The following SCN2A variants were observed in gnomAD, a reference collection of about 807,000 sequenced individuals.
SCN2A encodes sodium voltage-gated channel alpha subunit 2.
Under a neutral mutation model 188.7 loss-of-function variants are expected in SCN2A, and 20 were observed. The ratio of observed to expected loss-of-function variants is 0.11; its 90% CI spans 0.07 to 0.15. The LOEUF is 0.15. Ranked by LOEUF, SCN2A falls within the 10% of genes least tolerant of loss-of-function variation. SCN2A has a pLI of 1.00. For synonymous variants in SCN2A, 804 were observed against 833.1 expected (o/e 0.97, Z 0.60); for missense variants, 1,278 against 2,445.0 (o/e 0.52, Z 10.07).
chr2:165,373,422 A>C, intron 21 of SCN2A, 75 bp downstream of exon 21: 34 of 1,520,262 alleles, frequency 2.2e-5, no homozygotes, highest in Non-Finnish European at 3.0e-5. Context: ...TGGAAATGTC[A>C]AATTTATGGA....
chr2:165,321,144 A>G (rs1310681287), intron 11 of SCN2A, among the ~76,000 whole-genome samples: 2 of 152,212 alleles, frequency 1.3e-5, no homozygotes, highest in South Asian at 2.1e-4. Flanking sequence ...AAGTTCCACA[A>G]ATCTCTAGGA....
chr2:165,290,121 G>A (rs967617118), intron 1 of SCN2A, among the ~76,000 whole-genome samples: 8 of 151,900 alleles, frequency 5.3e-5, no homozygotes, highest in African/African-American at 1.9e-4. Flanking sequence ...ATATTCATGG[G>A]GTACATAGTG....
intron 12 of SCN2A, among the ~76,000 whole-genome samples, chr2:165,325,790 C>A (rs902818700): frequency 1.3e-5 from 2 of 151,948 alleles, no homozygotes; most frequent in African/African-American, 4.8e-5. Flanking sequence ...TTAGAATGAC[C>A]TATATGAATA....
chr2:165,279,094 C>A (rs1695474147), intron 1 of SCN2A, among the ~76,000 whole-genome samples: 1 of 152,176 alleles, frequency 6.6e-6, no homozygotes, highest in Non-Finnish European at 1.5e-5. Flanking sequence ...GTTTGAGCCT[C>A]ACTCAAGGTC....
intron 1 of SCN2A, among the ~76,000 whole-genome samples, chr2:165,282,101 C>T (rs1695608312): frequency 6.6e-6 from 1 of 152,148 alleles, no homozygotes; most frequent in South Asian, 2.1e-4. Context: ...GCCCTTAAGC[C>T]TGTCGGGGAT....
chr2:165,318,578 T>A (rs930692516), intron 11 of SCN2A, among the ~76,000 whole-genome samples: 2 of 152,228 alleles, frequency 1.3e-5, no homozygotes, highest in Non-Finnish European at 2.9e-5. Flanking sequence ...ATTTCTCATA[T>A]AGCTGTCACA....
At chr2:165,342,496 ATG>A (rs775551334) in intron 15 of SCN2A, 27 bp downstream of exon 15, 3 of 1,611,206 alleles carry the variant, frequency 1.9e-6, no homozygotes, top group Admixed American at 3.3e-5. Flanking sequence ...TGTTCATAAA[ATG>A]TACTTTGTAA....
At chr2:165,349,201 G>C (rs940490053) in intron 16 of SCN2A, among the ~76,000 whole-genome samples, 1 of 152,210 alleles carries the variant, frequency 6.6e-6, no homozygotes, top group African/African-American at 2.4e-5. Context: ...AGAAAACGCA[G>C]AGAACAGAAT....
Position 165,308,668 on chromosome 2 carries a change from A to G in SCN2A, c.479A>G (p.Tyr160Cys). Residue 160 changes from tyrosine to cysteine, a missense_variant and splice_region_variant, in exon 5 of 27, where the codon TAT becomes TGT. This residue lies in a region of SCN2A where 37 missense variants were observed against 154.9 expected (regional missense o/e 0.24). Transcript: ENST00000375437. Reference sequence around the variant, plus strand: ...TGAGCTTGGCTATTTTCTCTCAGGTATACCTTTACAGGAATTTATACTTTT... The same window carrying G: ...TGAGCTTGGCTATTTTCTCTCAGGTGTACCTTTACAGGAATTTATACTTTT... ...NPPDWTKNVE[Y>C]TFTGIYTFES... is the part of the protein sequence containing the mutation. 2 of 1,611,468 alleles carry G rather than the reference A, an allele frequency of 1.2e-6. No homozygotes were observed. The highest frequency in any genetic ancestry group is 8.5e-7 in the Non-Finnish European group (1 of 1,178,060).
At chr2:165,368,234 C>A (rs981528699) in intron 19 of SCN2A, among the ~76,000 whole-genome samples, 1 of 152,032 alleles carries the variant, frequency 6.6e-6, no homozygotes, top group African/African-American at 2.4e-5. Context: ...TCAAGCTGTC[C>A]CTCTGATGTC....
chr2:165,376,319 T>C (rs963272213), intron 22 of SCN2A, among the ~76,000 whole-genome samples: 41 of 151,914 alleles, frequency 2.7e-4, no homozygotes, highest in Non-Finnish European at 4.3e-4. Context: ...CATTTTTATT[T>C]GTCAATTAAA....
At chr2:165,350,235 G>A (rs559031597) in intron 16 of SCN2A, among the ~76,000 whole-genome samples, 1 of 152,338 alleles carries the variant, frequency 6.6e-6, no homozygotes, top group South Asian at 2.1e-4. Flanking sequence ...CAGGAGGGAT[G>A]TGAAGGTTTT....
chr2:165,323,661 C>T (rs939696218), intron 12 of SCN2A, among the ~76,000 whole-genome samples, 161 bp downstream of exon 12: 1 of 152,144 alleles, frequency 6.6e-6, no homozygotes, highest in African/African-American at 2.4e-5. Context: ...CTGTTCTATT[C>T]AGACTTTTCT....
At chr2:165,291,356 C>A (rs200121047) in intron 1 of SCN2A, among the ~76,000 whole-genome samples, 2,544 of 19,246 alleles carry the variant, frequency 0.13, 111 homozygotes, top group African/African-American at 0.28. Flanking sequence ...TCGTTCGTTC[C>A]TTCCTTCCTT....
chr2:165,325,736 C>A (rs1202349210), intron 12 of SCN2A, among the ~76,000 whole-genome samples: 1 of 151,776 alleles, frequency 6.6e-6, no homozygotes, highest in Non-Finnish European at 1.5e-5. Context: ...TAGGTTATTT[C>A]TTTTCTTACT....
intron 17 of SCN2A, among the ~76,000 whole-genome samples, chr2:165,363,264 T>A (rs959040026): frequency 2.0e-5 from 3 of 152,164 alleles, no homozygotes; most frequent in African/African-American, 7.2e-5. Context: ...TTCAGTAATG[T>A]CAGCCTGAGC....
chr2:165,283,583 A>G (rs1695681164), intron 1 of SCN2A, among the ~76,000 whole-genome samples: 1 of 152,210 alleles, frequency 6.6e-6, no homozygotes, highest in Non-Finnish European at 1.5e-5. Flanking sequence ...TAGCAATAGC[A>G]AGATTATAAG....
Position 165,354,251 on chromosome 2 carries a change from C to A in SCN2A, c.2979C>A (p.Ala993=). 6.2e-7 allele frequency: 1 copy of A among 1,613,960 alleles called. No homozygotes were observed. The highest frequency in any genetic ancestry group is 8.5e-7 in the Non-Finnish European group (1 of 1,179,942). ...CCTTCAGTTCTGACAATCTTGCTGC[C>A]ACTGATGATGATAACGAAATGAATA... ...LSSFSSDNLA[A]TDDDNEMNNL... The change falls in exon 17 of 27, where the codon GCC becomes GCA. Residue 993 remains alanine, a synonymous_variant. Coordinates refer to ENST00000375437, the MANE Select transcript of SCN2A (RefSeq NM_001040142.2).
intron 1 of SCN2A, chr2:165,273,513 A>G (rs1292982823): frequency 2.0e-5 from 3 of 152,202 alleles, no homozygotes; most frequent in Non-Finnish European, 4.4e-5. Context: ...AATCTTAGTC[A>G]TATCTTACAA....
Sources: allele counts gnomAD v4.1 joint callset (sites outside exome capture counted in the v4.1 genomes callset), GRCh38; gene constraint gnomAD v4.1.1; regional missense constraint gnomAD v4.1.1; transcripts MANE v1.5; gene names NCBI Gene and HGNC (gene_info 2026-07-23, HGNC 2026-07-21).